The following KCNIP4 variants were observed in gnomAD, a reference collection of about 807,000 sequenced individuals.
The protein encoded by KCNIP4 is potassium voltage-gated channel interacting protein 4.
A neutral mutation model predicts 34.0 loss-of-function variants in KCNIP4; 12 were observed. That is an observed-to-expected ratio of 0.35 (90% CI 0.23 to 0.57). The LOEUF (loss-of-function observed/expected upper bound fraction) is 0.57. KCNIP4 is among the 20% of genes least tolerant of loss of function. KCNIP4 has a pLI of 0.83. For missense variants in KCNIP4, 238 were observed against 311.7 expected (o/e 0.76, Z 1.78); for synonymous variants, 124 against 102.2 (o/e 1.21, Z -1.29).
intron 1 of KCNIP4, among the ~76,000 whole-genome samples, chr4:21,810,689 CAAAA>C (rs397992521): frequency 4.6e-5 from 5 of 107,568 alleles, no homozygotes; most frequent in Middle Eastern, 6.3e-3. Flanking sequence ...GACTCCGTCT[CAAAA>C]AAAAAAAAAA....
intron 1 of KCNIP4, among the ~76,000 whole-genome samples, chr4:21,072,634 A>C (rs1243783239): frequency 2.0e-5 from 3 of 152,036 alleles, no homozygotes; most frequent in Non-Finnish European, 2.9e-5. Context: ...TGCTGTGCAG[A>C]AGTTCTTTAG....
chr4:21,070,605 T>C (rs905915218), intron 1 of KCNIP4, among the ~76,000 whole-genome samples: 1 of 151,682 alleles, frequency 6.6e-6, no homozygotes, highest in Non-Finnish European at 1.5e-5. Context: ...TAAGTATGTG[T>C]TCATATCTTT....
At chr4:21,451,897 T>C (rs1437860449) in intron 1 of KCNIP4, among the ~76,000 whole-genome samples, 2 of 152,086 alleles carry the variant, frequency 1.3e-5, no homozygotes, top group Non-Finnish European at 2.9e-5. Flanking sequence ...AAGAGAATAA[T>C]TCTTAGGACA....
rs890153086 is a variant in KCNIP4, at chr4:20,787,671, C to T, written c.289-28781G>A. Among the ~76,000 whole-genome samples, 8 of 152,108 alleles carry T rather than the reference C, an allele frequency of 5.3e-5. No individual in the cohort carries two copies. The South Asian group carries it at 1.7e-3, about 32-fold the overall frequency. The stretch of plus-strand genomic sequence containing the variant: ...TTATTCAATCAATAACCATTGTTCA[C>T]AATTTTAAATACATTTTATTGATTT... On this transcript the variant is annotated intron_variant, in intron 3 of 8. Coordinates refer to ENST00000382152, the MANE Select transcript of KCNIP4 (RefSeq NM_025221.6).
At chr4:21,178,582 G>A (rs1318980172) in intron 1 of KCNIP4, among the ~76,000 whole-genome samples, 1 of 146,488 alleles carries the variant, frequency 6.8e-6, no homozygotes, top group Non-Finnish European at 1.5e-5. Flanking sequence ...GGTTGGTGAT[G>A]ATATTTAAGG....
intron 1 of KCNIP4, among the ~76,000 whole-genome samples, chr4:20,908,164 A>G (rs917523848): frequency 3.5e-5 from 5 of 141,840 alleles, no homozygotes; most frequent in African/African-American, 1.3e-4. Flanking sequence ...CAATGGCGCC[A>G]TCTCGGCTCA....
intron 1 of KCNIP4, among the ~76,000 whole-genome samples, chr4:21,194,484 C>A (rs1188892977): frequency 1.3e-5 from 2 of 152,118 alleles, no homozygotes; most frequent in Non-Finnish European, 2.9e-5. Context: ...AAGTAATAAA[C>A]AATCTCGGGT....
chr4:21,512,111 G>A (rs1474304827), intron 1 of KCNIP4, among the ~76,000 whole-genome samples: 2 of 145,274 alleles, frequency 1.4e-5, no homozygotes, highest in Admixed American at 6.9e-5. Context: ...GAGGAAAAGA[G>A]TGAGGAAAAA....
chr4:21,322,699 G>C (rs1714630932), intron 1 of KCNIP4, among the ~76,000 whole-genome samples: 1 of 151,940 alleles, frequency 6.6e-6, no homozygotes, highest in African/African-American at 2.4e-5. Flanking sequence ...TTTAATGTTT[G>C]TTGAGAAGCA....
rs138035710 is a variant in KCNIP4 at position 21,255,325 on chromosome 4, G to A, written c.62-372616C>T. Among the ~76,000 whole-genome samples the A allele has an allele frequency of 7.9e-3, 1,195 of 152,206 alleles. 16 individuals are homozygous for A. The highest frequency in any genetic ancestry group is 0.027 in the African/African-American group (1,124 of 41,526). On this transcript the variant is annotated intron_variant, in intron 1 of 8. Coordinates refer to ENST00000382152, the MANE Select transcript of KCNIP4 (RefSeq NM_025221.6). ...GTAATAACAGCTAAGTTTAAAAGCC[G>A]TGTTGCTTCTTCTTTCTTAAATATT...
chr4:21,534,716 A>G (rs1466644443), intron 1 of KCNIP4, among the ~76,000 whole-genome samples: 8 of 152,130 alleles, frequency 5.3e-5, no homozygotes, highest in Non-Finnish European at 1.0e-4. Flanking sequence ...TGTAGGACAC[A>G]TCTTCCCAGA....
At chr4:21,072,694 C>T (rs905943448) in intron 1 of KCNIP4, among the ~76,000 whole-genome samples, 9 of 151,910 alleles carry the variant, frequency 5.9e-5, no homozygotes, top group African/African-American at 4.8e-5. Flanking sequence ...CATTGCTTTT[C>T]GTGTTTTAAA....
chr4:21,071,535 G>A (rs1744919044), intron 1 of KCNIP4, among the ~76,000 whole-genome samples: 1 of 152,018 alleles, frequency 6.6e-6, no homozygotes, highest in Non-Finnish European at 1.5e-5. Context: ...TTATTATTTT[G>A]CAAAGTAGTT....
chr4:21,442,041 G>A (rs776018578), intron 1 of KCNIP4, among the ~76,000 whole-genome samples: 26 of 152,062 alleles, frequency 1.7e-4, no homozygotes, highest in Non-Finnish European at 2.8e-4. Context: ...GCTGATTTTC[G>A]TTTTGTGTTG....
chr4:21,336,083 AATGGTATCAAACT>A, intron 1 of KCNIP4, among the ~76,000 whole-genome samples: 1 of 152,148 alleles, frequency 6.6e-6, no homozygotes, highest in Non-Finnish European at 1.5e-5. Flanking sequence ...ATCGTATCAA[AATGGTATCAAACT>A]ATATGTATTA....
intron 1 of KCNIP4, among the ~76,000 whole-genome samples, chr4:21,203,827 G>A (rs1383167402): frequency 6.6e-6 from 1 of 152,194 alleles, no homozygotes; most frequent in Non-Finnish European, 1.5e-5. Flanking sequence ...GAAGTCAGAG[G>A]TGGTGGACTC....
At chr4:21,697,316 T>C in intron 1 of KCNIP4, 2 of 1,224,014 alleles carry the variant, frequency 1.6e-6, no homozygotes, top group South Asian at 4.5e-5. Context: ...TAGCCTCTAC[T>C]AAAAAAAAAA....
intron 1 of KCNIP4, among the ~76,000 whole-genome samples, chr4:21,537,639 T>A (rs999357320): frequency 6.6e-6 from 1 of 152,154 alleles, no homozygotes; most frequent in Admixed American, 6.6e-5. Context: ...TTTGCAAATA[T>A]AATCAAGTCA....
chr4:21,497,234 G>A (rs1174740307), intron 1 of KCNIP4, among the ~76,000 whole-genome samples: 1 of 152,160 alleles, frequency 6.6e-6, no homozygotes, highest in African/African-American at 2.4e-5. Flanking sequence ...CACTTCACAT[G>A]ATTGCCAGGA....
Sources: allele counts gnomAD v4.1 joint callset (sites outside exome capture counted in the v4.1 genomes callset), GRCh38; gene constraint gnomAD v4.1.1; transcripts MANE v1.5; gene names NCBI Gene and HGNC (gene_info 2026-07-23, HGNC 2026-07-21).